LINGO2: variants seen among roughly 807,000 people sequenced by gnomAD.
LINGO2 encodes the protein leucine rich repeat and Ig domain containing 2, also known as leucine-rich repeat and immunoglobulin-like domain-containing nogo receptor-interacting protein 2.
Under a neutral mutation model 30.6 loss-of-function variants are expected in LINGO2, and 14 were observed. The observed-to-expected ratio is 0.46, with a 90% CI of 0.30 to 0.72. The LOEUF is 0.72. Ranked by LOEUF, LINGO2 falls within the 30% of genes least tolerant of loss-of-function variation. LINGO2 has a pLI of 0.07. For missense variants in LINGO2, 729 were observed against 751.7 expected (o/e 0.97, Z 0.35); for synonymous variants, 317 against 288.5 (o/e 1.10, Z -1.00).
chr9:28,411,534 T>C (rs1822762969), intron 2 of LINGO2, among the ~76,000 whole-genome samples: 1 of 152,132 alleles, frequency 6.6e-6, no homozygotes, highest in South Asian at 2.1e-4. Flanking sequence ...ACCACCATTC[T>C]GCTCTCTGTG....
chr9:28,322,518 T>TAG (rs1337718556), intron 3 of LINGO2, among the ~76,000 whole-genome samples: 2 of 151,894 alleles, frequency 1.3e-5, no homozygotes, highest in African/African-American at 2.4e-5. Context: ...CCAAACATAA[T>TAG]AGATTTTATT....
At chr9:28,379,672 A>T (rs1821268009) in intron 2 of LINGO2, among the ~76,000 whole-genome samples, 2 of 152,058 alleles carry the variant, frequency 1.3e-5, no homozygotes, top group African/African-American at 4.8e-5. Context: ...TTATTATTAT[A>T]CCTGTAGTAT....
At chr9:28,668,905 TA>T (rs1828907765) in intron 1 of LINGO2, among the ~76,000 whole-genome samples, 1 of 152,080 alleles carries the variant, frequency 6.6e-6, no homozygotes, top group South Asian at 2.1e-4. Flanking sequence ...AATTTTTAGT[TA>T]TTATCTCATC....
At chr9:28,174,898 C>CTCTCTGTGTG (rs139070322) in intron 4 of LINGO2, among the ~76,000 whole-genome samples, 6 of 141,010 alleles carry the variant, frequency 4.3e-5, no homozygotes, top group African/African-American at 1.6e-4. Flanking sequence ...ATTTGTGTCT[C>CTCTCTGTGTG]TGTGTGTGTG....
At chr9:28,311,185 T>C (rs990962958) in intron 3 of LINGO2, among the ~76,000 whole-genome samples, 77 of 151,988 alleles carry the variant, frequency 5.1e-4, no homozygotes, top group African/African-American at 1.7e-3. Context: ...TATTAGTGAT[T>C]TTCAAAAGGG....
the LINGO2 span, among the ~76,000 whole-genome samples, chr9:28,876,783 G>A: frequency 6.6e-6 from 1 of 152,086 alleles, no homozygotes; most frequent in Non-Finnish European, 1.5e-5. Context: ...GGATGGCTGG[G>A]TCAAATGGTA....
At chr9:28,221,407 A>C (rs1820963323) in intron 4 of LINGO2, among the ~76,000 whole-genome samples, 1 of 151,808 alleles carries the variant, frequency 6.6e-6, no homozygotes, top group African/African-American at 2.4e-5. Context: ...AAATTTAATT[A>C]TTACACATGT....
chr9:28,070,735 G>A (rs568056810), intron 4 of LINGO2, among the ~76,000 whole-genome samples: 100 of 149,054 alleles, frequency 6.7e-4, no homozygotes, highest in African/African-American at 2.4e-3. Context: ...TTTTTGAGAT[G>A]GGGTCTTGCT....
chr9:28,792,898 C>T, the LINGO2 span, among the ~76,000 whole-genome samples: 1 of 152,128 alleles, frequency 6.6e-6, no homozygotes, highest in Non-Finnish European at 1.5e-5. Flanking sequence ...GAAACTCATA[C>T]TTACCTAATA....
chr9:29,125,286 C>T, the LINGO2 span, among the ~76,000 whole-genome samples: 1 of 152,004 alleles, frequency 6.6e-6, no homozygotes, highest in Admixed American at 6.6e-5. Context: ...GGAGGAAGAG[C>T]ATTAGGACAA....
At chr9:28,925,203 C>G in the LINGO2 span, among the ~76,000 whole-genome samples, 1 of 152,172 alleles carries the variant, frequency 6.6e-6, no homozygotes, top group Non-Finnish European at 1.5e-5. Flanking sequence ...AACCCTTCCC[C>G]AGAGAAAAGT....
the LINGO2 span, among the ~76,000 whole-genome samples, chr9:28,805,693 A>G: frequency 1.3e-5 from 2 of 152,192 alleles, no homozygotes; most frequent in Admixed American, 6.5e-5. Context: ...TGGAAACTGC[A>G]TATCTCTAAG....
At chr9:28,118,849 T>C (rs1198310736) in intron 4 of LINGO2, among the ~76,000 whole-genome samples, 5 of 152,144 alleles carry the variant, frequency 3.3e-5, no homozygotes, top group Non-Finnish European at 7.4e-5. Context: ...TAGAAAATGA[T>C]CCTTGCCATG....
the LINGO2 span, among the ~76,000 whole-genome samples, chr9:28,972,798 G>C: frequency 6.6e-6 from 1 of 152,126 alleles, no homozygotes; most frequent in Non-Finnish European, 1.5e-5. Context: ...AAGAAAGCAC[G>C]TGCAGAGGAA....
the LINGO2 span, among the ~76,000 whole-genome samples, chr9:29,203,537 A>G: frequency 1.3e-5 from 2 of 152,196 alleles, no homozygotes; most frequent in African/African-American, 2.4e-5. Context: ...CAACTCTGAC[A>G]AAAAATAAAT....
the LINGO2 span, among the ~76,000 whole-genome samples, chr9:29,063,294 T>A: frequency 0.022 from 3,330 of 152,154 alleles, 119 homozygotes; most frequent in African/African-American, 0.075. Flanking sequence ...GTGGTTTCAA[T>A]CAGACAGTGT....
chr9:28,151,206 T>A (rs62556554), intron 4 of LINGO2, among the ~76,000 whole-genome samples: 1 of 152,070 alleles, frequency 6.6e-6, no homozygotes, highest in African/African-American at 2.4e-5. Context: ...CATTCTTGAA[T>A]AGCAAAGATG....
the LINGO2 span, among the ~76,000 whole-genome samples, chr9:28,686,704 A>T: frequency 2.0e-5 from 3 of 152,124 alleles, no homozygotes; most frequent in South Asian, 2.1e-4. Context: ...AGACAGTAAC[A>T]AGCCTCTAAA....
At chr9:28,939,082 T>C in the LINGO2 span, among the ~76,000 whole-genome samples, 1 of 152,164 alleles carries the variant, frequency 6.6e-6, no homozygotes, top group Non-Finnish European at 1.5e-5. Context: ...TGTAGCTCTA[T>C]CCCTTTTATA....
Sources: allele counts gnomAD v4.1 joint callset (sites outside exome capture counted in the v4.1 genomes callset), GRCh38; gene constraint gnomAD v4.1.1; transcripts MANE v1.5; gene names NCBI Gene and HGNC (gene_info 2026-07-23, HGNC 2026-07-21).